The following KLHL14 variants were observed in gnomAD, a reference collection of about 807,000 sequenced individuals.
KLHL14 encodes kelch-like protein 14.
Under a neutral mutation model 64.3 loss-of-function variants are expected in KLHL14, and 22 were observed. The observed-to-expected ratio is 0.34, with a 90% CI of 0.24 to 0.49. KLHL14 has a LOEUF of 0.49. Among genes scored for constraint, KLHL14 ranks in the 20% least tolerant of loss-of-function variants. The pLI is 0.99. For synonymous variants in KLHL14, 322 were observed against 333.4 expected (o/e 0.97, Z 0.37); for missense variants, 661 against 789.0 (o/e 0.84, Z 1.94).
At chr18:32,763,683 T>G (rs1481387787) in intron 2 of KLHL14, among the ~76,000 whole-genome samples, 1 of 152,220 alleles carries the variant, frequency 6.6e-6, no homozygotes, top group Non-Finnish European at 1.5e-5. Context: ...TGTGTATGTT[T>G]GCGTGTGTGT....
chr18:32,681,104 C>A (rs570784678), intron 5 of KLHL14, among the ~76,000 whole-genome samples: 4 of 152,200 alleles, frequency 2.6e-5, no homozygotes, highest in African/African-American at 7.2e-5. Flanking sequence ...ACTACTACTG[C>A]AAATAGAATA....
intron 7 of KLHL14, 100 bp from the exon 8 acceptor site, chr18:32,677,430 A>G: frequency 9.1e-7 from 1 of 1,096,546 alleles, no homozygotes; most frequent in East Asian, 2.6e-5. Context: ...GCCAAAATAG[A>G]TAATTATGTT....
chr18:32,695,690 A>C lies in KLHL14; in HGVS notation c.1070-138T>G, dbSNP rs1598552403. ...GAGGAAGAAGATTGAACAGGTGGCC[A>C]AGCCACTACTCACCAATCCAGGGAT... On this transcript the variant is annotated intron_variant, in intron 3 of 8. Transcript: ENST00000359358. 4.8e-6 allele frequency: 3 copies of C among 631,494 alleles called. No homozygotes were observed. In the East Asian group the frequency reaches 8.2e-5, roughly 17 times the overall value. 39.1% of individuals were successfully genotyped at this position (631,494 alleles called of 1,614,324 possible). A position where few individuals can be genotyped will look rare whatever the true frequency, so the allele number is the denominator to read the frequency against.
At chr18:32,753,578 AAAAAAGTCTT>A (rs2050267621) in intron 2 of KLHL14, among the ~76,000 whole-genome samples, 1 of 152,220 alleles carries the variant, frequency 6.6e-6, no homozygotes, top group African/African-American at 2.4e-5. Flanking sequence ...CAGATATAAC[AAAAAAGTCTT>A]AAGACCTTTA....
intron 3 of KLHL14, among the ~76,000 whole-genome samples, chr18:32,713,609 C>A (rs1375578088): frequency 6.6e-6 from 1 of 152,084 alleles, no homozygotes; most frequent in African/African-American, 2.4e-5. Context: ...AAATAACAAC[C>A]TTTAGACATT....
chr18:32,745,119 G>T (rs1568728), intron 2 of KLHL14: 151,390 of 152,376 alleles, frequency 0.99, 75,216 homozygotes, highest in Middle Eastern at 1. Context: ...TTGAAGCCAT[G>T]ATGTATGGCT....
Position 32,695,479 on chromosome 18 carries a change from G to T in KLHL14, c.1143C>A (p.Asp381Glu). 6.2e-7 allele frequency: 1 copy of T among 1,610,406 alleles called. No individual in the cohort carries two copies. The highest frequency in any genetic ancestry group is 8.5e-7 in the Non-Finnish European group (1 of 1,177,076). Residue 381 changes from aspartate to glutamate, a missense_variant, in exon 4 of 9, where the codon GAC (aspartate) becomes GAA (glutamate). Asp to Glu is a conservative substitution (Grantham distance 45). Transcript: ENST00000359358. ...ENFLFVLGGE[D>E]QWNPNGKHST... The stretch of plus-strand genomic sequence containing the variant: ...AATAGTTACCATTCGGATTCCACTG[G>T]TCCTCTCCACCCAACACGAACAAGA...
intron 3 of KLHL14, among the ~76,000 whole-genome samples, chr18:32,715,523 A>G (rs2144504157): frequency 6.6e-6 from 1 of 151,802 alleles, no homozygotes; most frequent in South Asian, 2.1e-4. Context: ...TTTTTTTAGT[A>G]GCTTCAACCT....
chr18:32,682,385 AAAGTAGGAATAAAATAAAGAG>A (rs1422104239), intron 5 of KLHL14, among the ~76,000 whole-genome samples: 4 of 152,220 alleles, frequency 2.6e-5, no homozygotes, highest in Admixed American at 2.0e-4. Flanking sequence ...GGCAGGGAGA[AAAGTAGGAATAAAATAAAGAG>A]AAGACGAGTC....
At chr18:32,759,135 G>A (rs1355599354) in intron 2 of KLHL14, among the ~76,000 whole-genome samples, 2 of 152,188 alleles carry the variant, frequency 1.3e-5, no homozygotes, top group Non-Finnish European at 2.9e-5. Flanking sequence ...TGCTCAATGT[G>A]AATCTACCAT....
intron 3 of KLHL14, among the ~76,000 whole-genome samples, chr18:32,716,919 A>G (rs574787670): frequency 1.3e-5 from 2 of 152,272 alleles, no homozygotes; most frequent in African/African-American, 2.4e-5. Context: ...TTATTTACAT[A>G]TTCTTATTTG....
intron 3 of KLHL14, among the ~76,000 whole-genome samples, chr18:32,725,287 C>T (rs930294521): frequency 3.3e-5 from 5 of 152,168 alleles, no homozygotes; most frequent in African/African-American, 1.2e-4. Flanking sequence ...ACCTTGGCTT[C>T]CCAAAGTGCT....
In KLHL14 at chr18:32,762,170, C is replaced by T. The variant is rs918814150; in HGVS notation, c.947+7475G>A. ...TTATTGAACCGAATGGTATTATAGG[C>T]GGTAAGGTACCATGATTGACATTTT... On this transcript the variant is annotated intron_variant, in intron 2 of 8. Coordinates refer to ENST00000359358, the MANE Select transcript of KLHL14 (RefSeq NM_020805.3). 4.0e-5 allele frequency among the ~76,000 whole-genome samples: 6 copies of T among 151,732 alleles called. No individual in the cohort carries two copies. In the East Asian group the frequency reaches 5.8e-4, roughly 15 times the overall value.
Position 32,674,550 on chromosome 18 carries a change from G to A in KLHL14, c.*107C>T. On this transcript the variant is annotated 3_prime_UTR_variant, in exon 9 of 9. Transcript: ENST00000359358. ...TATAAATCATCAGAAACCAAGGGTG[G>A]GTTTTGGCAGTTGTACCATTAGAAT... 3.0e-6 allele frequency: 2 copies of A among 673,150 alleles called. No individual in the cohort carries two copies. The highest frequency in any genetic ancestry group is 5.5e-6 in the Non-Finnish European group (2 of 366,030). 41.7% of individuals were successfully genotyped at this position (673,150 alleles called of 1,614,324 possible).
intron 3 of KLHL14, among the ~76,000 whole-genome samples, chr18:32,726,329 A>G (rs1386628145): frequency 6.6e-6 from 1 of 152,184 alleles, no homozygotes; most frequent in Non-Finnish European, 1.5e-5. Flanking sequence ...ACTACTATTA[A>G]CATATTTTTC....
chr18:32,717,357 C>T (rs1363909248), intron 3 of KLHL14, among the ~76,000 whole-genome samples: 2 of 152,188 alleles, frequency 1.3e-5, no homozygotes, highest in South Asian at 4.1e-4. Context: ...CACATATCCT[C>T]ATGGGAGCCA....
At position 32,683,336 on chromosome 18, in the gene KLHL14, T is replaced by C. The variant is rs1453350171; in HGVS notation, c.1239-2737A>G. On this transcript the variant is annotated intron_variant, in intron 5 of 8. Transcript: ENST00000359358. This position sits in a 1 kb window ranked among gnomAD's most constrained non-coding sequence, Gnocchi z 4.2. ...CATTTTTAGGTAGAAATTCCAATAG[T>C]AAAGATTCTGAGTCTTTGACTTATT... 1.3e-5 allele frequency among the ~76,000 whole-genome samples: 2 copies of C among 152,174 alleles called. No homozygotes were observed. The highest frequency in any genetic ancestry group is 6.5e-5 in the Admixed American group (1 of 15,280).
At position 32,749,298 on chromosome 18, in the gene KLHL14, C is replaced by T. The variant is rs1483290327; in HGVS notation, c.948-7249G>A. ...CGATCCAGAGTAGATAATCATTACCCCATCTTTCCGAAGCCAGGTTAATTA... is the reference window on the plus strand; with the variant it reads ...CGATCCAGAGTAGATAATCATTACCTCATCTTTCCGAAGCCAGGTTAATTA... On this transcript the variant is annotated intron_variant, in intron 2 of 8. Transcript: ENST00000359358. 7.9e-5 allele frequency among the ~76,000 whole-genome samples: 12 copies of T among 152,200 alleles called. 1 individual carries two copies. The South Asian group carries it at 1.2e-3, about 16-fold the overall frequency.
intron 2 of KLHL14, among the ~76,000 whole-genome samples, chr18:32,745,920 G>A (rs1349405946): frequency 6.6e-6 from 1 of 152,184 alleles, no homozygotes. Flanking sequence ...CTGTGCTGAA[G>A]GGGGTTTTAA....
Sources: allele counts gnomAD v4.1 joint callset (sites outside exome capture counted in the v4.1 genomes callset), GRCh38; gene constraint gnomAD v4.1.1; non-coding constraint Gnocchi (gnomAD v3.1); transcripts MANE v1.5; gene names NCBI Gene and HGNC (gene_info 2026-07-23, HGNC 2026-07-21).